Variants in ELOVL2 observed in about 807,000 individuals in gnomAD.
ELOVL2 encodes ELOVL fatty acid elongase 2, also known as very long chain fatty acid elongase 2.
ELOVL2 carries 38 observed loss-of-function variants against 37.7 expected under a neutral mutation model. That is an observed-to-expected ratio of 1.01 (90% CI 0.78 to 1.32). The LOEUF is 1.32. ELOVL2 is among the 40% of genes most tolerant of loss of function. ELOVL2 has a pLI of 0.00. For missense variants in ELOVL2, 352 were observed against 363.6 expected (o/e 0.97, Z 0.26); for synonymous variants, 115 against 122.3 (o/e 0.94, Z 0.40).
chr6:11,035,697 T>C (rs1301660078), intron 1 of ELOVL2, among the ~76,000 whole-genome samples: 1 of 152,244 alleles, frequency 6.6e-6, no homozygotes, highest in Non-Finnish European at 1.5e-5. Context: ...ACTAAGTCTT[T>C]CTATTGGATG....
chr6:11,023,406 A>G (rs1219494738), intron 1 of ELOVL2, among the ~76,000 whole-genome samples: 2 of 152,216 alleles, frequency 1.3e-5, no homozygotes, highest in Non-Finnish European at 2.9e-5. Context: ...GACTTCTTGG[A>G]AAAAATATGG....
chr6:10,991,521 A>G (rs1180860182), intron 5 of ELOVL2, among the ~76,000 whole-genome samples: 1 of 152,260 alleles, frequency 6.6e-6, no homozygotes, highest in East Asian at 1.9e-4. Flanking sequence ...GAGATAATAT[A>G]TGAATTTAAA....
At position 10,983,768 on chromosome 6, in the gene ELOVL2, C is replaced by G; in HGVS notation, c.*13G>C. The G allele has an allele frequency of 6.3e-7, 1 of 1,595,930 alleles. No homozygotes were observed. Among genetic ancestry groups the G allele is most frequent in the Non-Finnish European group, 8.5e-7 (1 of 1,173,522 alleles). ...TGTTAGGCTAGTATATGTGCTTTTT[C>G]TGTTACTCATTTTTATTGTGCTTTC... is the stretch of plus-strand genomic sequence containing the variant. On this transcript the variant is annotated 3_prime_UTR_variant, in exon 8 of 8. Coordinates refer to ENST00000354666, the MANE Select transcript of ELOVL2 (RefSeq NM_017770.4).
intron 3 of ELOVL2, among the ~76,000 whole-genome samples, chr6:11,001,246 C>G (rs964207495): frequency 6.6e-6 from 1 of 152,190 alleles, no homozygotes; most frequent in Non-Finnish European, 1.5e-5. Context: ...ATATACCTCT[C>G]TTTCCTTCTA....
At chr6:10,990,025 T>A (rs911408320) in intron 6 of ELOVL2, among the ~76,000 whole-genome samples, 188 bp from the exon 7 acceptor site, 13 of 152,222 alleles carry the variant, frequency 8.5e-5, no homozygotes, top group Admixed American at 3.9e-4. Flanking sequence ...AAATTGCCCA[T>A]GATTTCCTCA....
chr6:11,043,329 C>T (rs912069822), intron 1 of ELOVL2, among the ~76,000 whole-genome samples: 2 of 151,992 alleles, frequency 1.3e-5, no homozygotes, highest in Admixed American at 6.6e-5. Flanking sequence ...GATGGCACAA[C>T]AGATGTTCTC....
Position 11,010,818 on chromosome 6 carries a change from A to C in ELOVL2, c.4-9T>G, listed in dbSNP as rs1182805383. 1.3e-6 allele frequency: 2 copies of C among 1,597,410 alleles called. No individual in the cohort carries two copies. Among genetic ancestry groups the C allele is most frequent in the Admixed American group, 3.5e-5 (2 of 56,376 alleles). Reference sequence around the variant, plus strand: ...AAGGCCTTTAGATGTTCCTAAAAAGAGAAAGAAAAAATGATTTAAGTGTTT... The same window carrying C: ...AAGGCCTTTAGATGTTCCTAAAAAGCGAAAGAAAAAATGATTTAAGTGTTT... On this transcript the variant is annotated splice_polypyrimidine_tract_variant and intron_variant, in intron 1 of 7. Transcript: ENST00000354666.
chr6:11,035,588 C>T (rs1010590879), intron 1 of ELOVL2, among the ~76,000 whole-genome samples: 1 of 152,196 alleles, frequency 6.6e-6, no homozygotes, highest in African/African-American at 2.4e-5. Flanking sequence ...CCAGCCACCT[C>T]TTGGTCCTGA....
chr6:10,989,117 A>G (rs886517887), intron 7 of ELOVL2, among the ~76,000 whole-genome samples: 3 of 152,232 alleles, frequency 2.0e-5, no homozygotes, highest in Non-Finnish European at 4.4e-5. Context: ...ACATACTGCA[A>G]ATTGAGAACT....
intron 7 of ELOVL2, among the ~76,000 whole-genome samples, chr6:10,988,275 C>G (rs1412334631): frequency 6.6e-6 from 1 of 152,216 alleles, no homozygotes; most frequent in African/African-American, 2.4e-5. Flanking sequence ...TGTATAAAAC[C>G]ACTATGGGGA....
chr6:10,985,151 C>T (rs959176555), intron 7 of ELOVL2, among the ~76,000 whole-genome samples: 13 of 152,110 alleles, frequency 8.5e-5, no homozygotes, highest in African/African-American at 3.1e-4. Context: ...TTTTTGGCTG[C>T]ATAAATGTCT....
chr6:11,042,961 G>T (rs1783125717), intron 1 of ELOVL2, among the ~76,000 whole-genome samples: 1 of 152,152 alleles, frequency 6.6e-6, no homozygotes, highest in Non-Finnish European at 1.5e-5. Flanking sequence ...CTATATTCTG[G>T]TAGAGGAGAC....
Position 10,995,084 on chromosome 6 carries a change from G to A in ELOVL2, c.428C>T (p.Thr143Ile). The change falls in exon 5 of 8, where the codon ACT (threonine) becomes ATT (isoleucine). Residue 143 changes from threonine to isoleucine, a missense_variant. Coordinates refer to ENST00000354666, the MANE Select transcript of ELOVL2 (RefSeq NM_017770.4). ...AGCATGATGATATACATGAAGAAAA[G>A]TAATCTGACTCGTTTTTTTCCGCAA... ...FVLRKKTSQITFLHVYHHASM... is the reference protein window; with the variant it reads ...FVLRKKTSQIIFLHVYHHASM... The A allele has an allele frequency of 2.5e-6, 4 of 1,613,352 alleles. No homozygotes were observed. The highest frequency in any genetic ancestry group is 1.7e-4 in the Middle Eastern group (1 of 6,060).
chr6:11,001,430 G>T (rs1782379525), intron 3 of ELOVL2, among the ~76,000 whole-genome samples: 1 of 152,152 alleles, frequency 6.6e-6, no homozygotes, highest in South Asian at 2.1e-4. Context: ...TCAGCGACTG[G>T]CTAGAGAGGA....
At chr6:11,006,029 C>T (rs1173113441) in intron 2 of ELOVL2, among the ~76,000 whole-genome samples, 1 of 152,172 alleles carries the variant, frequency 6.6e-6, no homozygotes, top group Non-Finnish European at 1.5e-5. Flanking sequence ...GCTGTCCTCC[C>T]ATGGAGAAGA....
intron 1 of ELOVL2, among the ~76,000 whole-genome samples, chr6:11,037,753 A>AT (rs1337175687): frequency 1.3e-5 from 2 of 152,220 alleles, no homozygotes; most frequent in African/African-American, 4.8e-5. Context: ...ATTAAGTTTG[A>AT]TAAGTACATA....
chr6:10,985,202 T>G (rs973655307), intron 7 of ELOVL2, among the ~76,000 whole-genome samples: 5 of 152,088 alleles, frequency 3.3e-5, no homozygotes, highest in African/African-American at 1.2e-4. Flanking sequence ...GCCCACTTTT[T>G]GATGGGGTTG....
Position 11,005,429 on chromosome 6 carries a change from A to G in ELOVL2, c.198T>C (p.Gly66=), listed in dbSNP as rs1381369213. The change falls in exon 3 of 8, where the codon GGT becomes GGC. Residue 66 remains glycine, a synonymous_variant. Coordinates refer to ENST00000354666, the MANE Select transcript of ELOVL2 (RefSeq NM_017770.4). Reference sequence around the variant, plus strand: ...TTCCAAGATTATACAAGGTGAGGATACCCCTGAGAGAAAGAGCAGGTCTGT... The same window carrying G: ...TTCCAAGATTATACAAGGTGAGGATGCCCCTGAGAGAAAGAGCAGGTCTGT... ...MKNRPALSLR[G]ILTLYNLGIT... is the part of the protein sequence containing the mutation. The G allele has an allele frequency of 7.4e-6, 12 of 1,613,980 alleles. No homozygotes were observed.
chr6:10,994,953 C>A, intron 5 of ELOVL2, 54 bp downstream of exon 5: 1 of 1,381,778 alleles, frequency 7.2e-7, no homozygotes, highest in South Asian at 1.4e-5. Flanking sequence ...AAGACAGCAC[C>A]AGTGGTCTCT....
Sources: allele counts gnomAD v4.1 joint callset (sites outside exome capture counted in the v4.1 genomes callset), GRCh38; gene constraint gnomAD v4.1.1; transcripts MANE v1.5; gene names NCBI Gene and HGNC (gene_info 2026-07-23, HGNC 2026-07-21).